The following INCA1 variants were observed in gnomAD, a reference collection of about 807,000 sequenced individuals.
The protein encoded by INCA1 is inhibitor of CDK, cyclin A1 interacting protein 1.
Under a neutral mutation model 25.7 loss-of-function variants are expected in INCA1, and 28 were observed. The observed-to-expected ratio is 1.09, with a 90% CI of 0.81 to 1.49. INCA1 has a LOEUF of 1.49. Among genes scored for constraint, INCA1 ranks in the 40% most tolerant of loss-of-function variants. The probability of loss-of-function intolerance (pLI) is 0.00; values close to 1 mark genes in which losing one functional copy is unlikely to be tolerated. For synonymous variants in INCA1, 111 were observed against 103.6 expected, an observed-to-expected ratio of 1.07 and a Z score of -0.43; for missense variants, 309 against 290.9, an observed-to-expected ratio of 1.06 and a Z score of -0.45.
chr17:4,993,744 A>G (rs2143229717), intron 2 of INCA1, among the ~76,000 whole-genome samples: 1 of 146,296 alleles, frequency 6.8e-6, no homozygotes, highest in Admixed American at 6.9e-5. Context: ...CTGGGATTAC[A>G]GGTGTGAGCC....
chr17:4,989,317 C>G (rs1161393791), intron 5 of INCA1, 111 bp downstream of exon 5: 10 of 1,031,366 alleles, frequency 9.7e-6, no homozygotes, highest in Non-Finnish European at 1.4e-5. Context: ...AACCTCCCCT[C>G]AAAGCTCCCC....
At chr17:4,988,434 C>A (rs1456048196) in exon 7 of INCA1, 1 of 1,612,314 alleles carries the variant, frequency 6.2e-7, no homozygotes, top group Non-Finnish European at 8.5e-7. Flanking sequence ...AACTCCATCC[C>A]CCAGGGATTG....
intron 2 of INCA1, among the ~76,000 whole-genome samples, 164 bp downstream of exon 2, chr17:4,994,230 T>G (rs979901186): frequency 1.3e-5 from 2 of 152,218 alleles, no homozygotes; most frequent in African/African-American, 4.8e-5. Context: ...TGGAACATTG[T>G]AGTGTTCAAA....
chr17:4,990,786 G>T (rs986792230), intron 2 of INCA1, among the ~76,000 whole-genome samples: 2 of 151,204 alleles, frequency 1.3e-5, no homozygotes, highest in Non-Finnish European at 1.5e-5. Context: ...GGGAGGCTGA[G>T]GCAGGAGAAT....
upstream of INCA1, chr17:4,997,061 T>G (rs1486339862): frequency 6.5e-6 from 1 of 153,130 alleles, no homozygotes; most frequent in Non-Finnish European, 1.5e-5. Context: ...CACAGTTGAC[T>G]TCGGGGTAGC....
rs975666637 is a variant in INCA1 at position 4,994,127 on chromosome 17, A to G, written c.44+267T>C. On this transcript the variant is annotated intron_variant, in intron 2 of 6. Coordinates refer to ENST00000576820, the Ensembl canonical transcript of INCA1. Reference sequence around the variant, plus strand: ...ATTAGCTGAAATTGTATTTGTTTGCACATTCTGTGTTCCCCTCTCTAGAAT... The same window carrying G: ...ATTAGCTGAAATTGTATTTGTTTGCGCATTCTGTGTTCCCCTCTCTAGAAT... Among the ~76,000 whole-genome samples, 82 of 152,148 alleles carry G rather than the reference A, an allele frequency of 5.4e-4. 2 individuals are homozygous for G.
intron 6 of INCA1, 45 bp from the exon 7 acceptor site, chr17:4,988,599 C>T (rs750418974): frequency 1.9e-6 from 3 of 1,604,330 alleles, no homozygotes; most frequent in East Asian, 4.5e-5. Context: ...AAAAGTAGGT[C>T]TTCTTTCCAG....
chr17:4,993,107 T>A (rs1285779594), intron 2 of INCA1, among the ~76,000 whole-genome samples: 1 of 151,492 alleles, frequency 6.6e-6, no homozygotes, highest in East Asian at 2.0e-4. Flanking sequence ...CTTGAACCCC[T>A]GACCTAAGGT....
rs1040860819 is a variant in INCA1, at chr17:4,994,529, C to T, written c.-38-54G>A. 28 of 1,392,508 alleles carry T rather than the reference C, an allele frequency of 2.0e-5. No individual in the cohort carries two copies. In the African/African-American group the frequency reaches 2.6e-4, roughly 13 times the overall value. The allele number at this position is 1,392,508 out of a possible 1,614,324, so 86.3% of individuals were successfully genotyped here. On this transcript the variant is annotated intron_variant, in intron 1 of 6. Transcript: ENST00000576820. ...CATTCGGGCTGGATGTGGTGGCTCACGCCTGTAATCCCAGTACTTTTGGAG... is the reference window on the plus strand; with the variant it reads ...CATTCGGGCTGGATGTGGTGGCTCATGCCTGTAATCCCAGTACTTTTGGAG...
chr17:4,989,378 GC>G, intron 5 of INCA1, 49 bp downstream of exon 5: 1 of 1,544,232 alleles, frequency 6.5e-7, no homozygotes, highest in Non-Finnish European at 8.8e-7. Context: ...AAACTGTTCT[GC>G]CCCCAAATCC....
intron 4 of INCA1, 99 bp downstream of exon 4, chr17:4,989,791 G>A: frequency 6.3e-7 from 1 of 1,583,086 alleles, no homozygotes; most frequent in Non-Finnish European, 8.7e-7. Flanking sequence ...ACTGGTTGGG[G>A]AATAACAGAG....
intron 1 of INCA1, among the ~76,000 whole-genome samples, chr17:4,995,070 T>C (rs539727547): frequency 1.2e-4 from 19 of 152,108 alleles, no homozygotes; most frequent in African/African-American, 4.3e-4. Flanking sequence ...CTGGGCATGG[T>C]GGCGCATGCC....
chr17:4,990,028 G>T lies in INCA1; in HGVS notation c.159-99C>A, dbSNP rs542931254. ...CCCGACCTCCTTTCTGTCATTAGGA[G>T]CTACAATGTCCACCAGCCAGTGGGA... is the stretch of plus-strand genomic sequence containing the variant. On this transcript the variant is annotated intron_variant, in intron 3 of 6. Transcript: ENST00000576820. 14 of 1,612,176 alleles carry T rather than the reference G, an allele frequency of 8.7e-6. No individual in the cohort carries two copies. In the South Asian group the frequency reaches 1.5e-4, roughly 18 times the overall value.
chr17:4,989,914 C>T lies in INCA1; in HGVS notation c.174G>A (p.Glu58=), dbSNP rs1033758702. Residue 58 remains glutamate (E), a synonymous_variant, in exon 4 of 7, where the codon GAG becomes GAA. Transcript: ENST00000576820. ...CCAGCATGGGTGGAATGTGCTGCTC[C>T]TCCAGCCAAGTGGGGCTGTGAAGAA... is the stretch of plus-strand genomic sequence containing the variant. 3 of 1,614,178 alleles carry T rather than the reference C, an allele frequency of 1.9e-6. No individual in the cohort carries two copies. The Admixed American group carries it at 5.0e-5, about 27-fold the overall frequency.
chr17:4,996,666 CAAAAA>C (rs35732129), intron 1 of INCA1, among the ~76,000 whole-genome samples: 1 of 51,800 alleles, frequency 1.9e-5, no homozygotes, highest in Non-Finnish European at 3.0e-5. Context: ...GACTCCGTCT[CAAAAA>C]AAAAAAAAAA....
At chr17:4,995,074 G>A (rs1175976463) in intron 1 of INCA1, among the ~76,000 whole-genome samples, 5 of 151,820 alleles carry the variant, frequency 3.3e-5, no homozygotes, top group South Asian at 4.2e-4. Flanking sequence ...GCATGGTGGC[G>A]CATGCCTGTA....
At position 4,989,883 on chromosome 17, in the gene INCA1, G is replaced by C. The variant is rs1973729073; in HGVS notation, c.198+7C>G. 1.9e-6 allele frequency: 3 copies of C among 1,614,096 alleles called. No homozygotes were observed. The highest frequency in any genetic ancestry group is 2.5e-6 in the Non-Finnish European group (3 of 1,180,044). ...AGAAATGTTAAACGGCAGAGGGTCT[G>C]TCTTACCAGCATGGGTGGAATGTGC... On this transcript the variant is annotated splice_region_variant and intron_variant, in intron 4 of 6. Transcript: ENST00000576820.
intron 1 of INCA1, among the ~76,000 whole-genome samples, chr17:4,995,203 C>CAACAAAAA (rs1974152825): frequency 8.1e-6 from 1 of 123,568 alleles, no homozygotes. Context: ...GACTCTGTCT[C>CAACAAAAA]AAAAAAAAAA....
chr17:4,988,247 C>T, exon 7 of INCA1: 4 of 732,432 alleles, frequency 5.5e-6, no homozygotes, highest in Non-Finnish European at 4.2e-6. Flanking sequence ...TGGGAGCCCA[C>T]GGGGGCTGTT....
Sources: gnomAD v4.1 joint callset for allele counts (sites outside exome capture counted in the v4.1 genomes callset) on GRCh38, gnomAD v4.1.1 for gene constraint, MANE v1.5 for transcripts, NCBI Gene and HGNC (gene_info 2026-07-23, HGNC 2026-07-21) for gene names.